The following FOXN3 variants were observed in gnomAD, a reference collection of about 807,000 sequenced individuals.
FOXN3 encodes forkhead box protein N3.
Under a neutral mutation model 38.4 loss-of-function variants are expected in FOXN3, and 7 were observed. The observed-to-expected ratio is 0.18, with a 90% CI of 0.10 to 0.34. The LOEUF (loss-of-function observed/expected upper bound fraction) is 0.34. FOXN3 is among the 10% of genes least tolerant of loss of function. The pLI, the probability that FOXN3 is intolerant of heterozygous loss-of-function variation, is 1.00. For missense variants in FOXN3, 456 were observed against 613.4 expected (o/e 0.74, Z 2.71); for synonymous variants, 230 against 242.2 (o/e 0.95, Z 0.47).
intron 3 of FOXN3, chr14:89,349,637 C>T (rs980955991): frequency 3.9e-5 from 6 of 152,642 alleles, no homozygotes; most frequent in Non-Finnish European, 7.3e-5. Flanking sequence ...TCTCAGAGAG[C>T]CCAGCTGTTC....
upstream of FOXN3, among the ~76,000 whole-genome samples, chr14:89,421,332 G>A (rs1891901685): frequency 6.6e-6 from 1 of 151,072 alleles, no homozygotes; most frequent in Non-Finnish European, 1.5e-5. Context: ...TATTTTTATA[G>A]AGACGGGGTT....
intron 5 of FOXN3, among the ~76,000 whole-genome samples, chr14:89,175,475 G>GT (rs1887496900): frequency 6.6e-6 from 1 of 152,216 alleles, no homozygotes. Flanking sequence ...GGGAAGGTCT[G>GT]TGAGAGACAG....
intron 5 of FOXN3, among the ~76,000 whole-genome samples, chr14:89,168,610 G>A (rs1445868827): frequency 6.6e-6 from 1 of 151,972 alleles, no homozygotes; most frequent in Admixed American, 6.6e-5. Context: ...TGGAAGAAAG[G>A]TTGGATGAGA....
chr14:89,189,384 G>C (rs908170348), intron 4 of FOXN3, among the ~76,000 whole-genome samples: 1 of 152,206 alleles, frequency 6.6e-6, no homozygotes, highest in Non-Finnish European at 1.5e-5. Context: ...TGAAGGCCTA[G>C]CCATAAGAAG....
intron 1 of FOXN3, among the ~76,000 whole-genome samples, chr14:89,610,449 C>T (rs1307193170): frequency 6.6e-6 from 1 of 152,164 alleles, no homozygotes; most frequent in South Asian, 2.1e-4. Flanking sequence ...GACGGGATAA[C>T]TCACGACTGG....
At chr14:89,610,251 C>T (rs1896361222) in intron 1 of FOXN3, among the ~76,000 whole-genome samples, 1 of 152,192 alleles carries the variant, frequency 6.6e-6, no homozygotes, top group Non-Finnish European at 1.5e-5. Context: ...CACCTGCTAC[C>T]AACGGCATCA....
chr14:89,171,355 C>T (rs1403527304), intron 5 of FOXN3, among the ~76,000 whole-genome samples: 2 of 152,136 alleles, frequency 1.3e-5, no homozygotes, highest in Non-Finnish European at 2.9e-5. Flanking sequence ...TTCCAACAAA[C>T]ATTAAGCAAT....
chr14:89,611,967 C>A (rs533215187), intron 1 of FOXN3, among the ~76,000 whole-genome samples: 101 of 152,202 alleles, frequency 6.6e-4, no homozygotes, highest in African/African-American at 2.4e-3. Flanking sequence ...TTTCTTCCCC[C>A]CGAAGGGAAC....
At chr14:89,260,473 C>T in intron 4 of FOXN3, among the ~76,000 whole-genome samples, 1 of 152,246 alleles carries the variant, frequency 6.6e-6, no homozygotes, top group Non-Finnish European at 1.5e-5. Context: ...ACTAACCCAG[C>T]TCATCTATAT....
At chr14:89,468,648 G>A (rs1237256986) in intron 1 of FOXN3, among the ~76,000 whole-genome samples, 1 of 152,120 alleles carries the variant, frequency 6.6e-6, no homozygotes, top group Non-Finnish European at 1.5e-5. Context: ...ACTCAAATAT[G>A]TATTGCTATT....
At chr14:89,257,503 C>A (rs191799275) in intron 4 of FOXN3, among the ~76,000 whole-genome samples, 211 of 152,308 alleles carry the variant, frequency 1.4e-3, no homozygotes, top group Middle Eastern at 6.8e-3. Context: ...CCTGTATAAT[C>A]CGATCCTGTG....
At chr14:89,246,880 C>T (rs945983021) in intron 4 of FOXN3, among the ~76,000 whole-genome samples, 9 of 152,040 alleles carry the variant, frequency 5.9e-5, no homozygotes, top group African/African-American at 1.9e-4. Flanking sequence ...CATGACAAGA[C>T]GGTTAGAAAA....
intron 2 of FOXN3, among the ~76,000 whole-genome samples, chr14:89,405,277 C>T (rs1233494474): frequency 6.6e-6 from 1 of 152,158 alleles, no homozygotes; most frequent in African/African-American, 2.4e-5. Context: ...GCTGAGATTA[C>T]AGGCGCCCGC....
intron 5 of FOXN3, among the ~76,000 whole-genome samples, chr14:89,173,440 C>G (rs1376226189): frequency 6.6e-6 from 1 of 152,168 alleles, no homozygotes; most frequent in Non-Finnish European, 1.5e-5. Flanking sequence ...CCCTATAAAT[C>G]AACAATTTCA....
At chr14:89,555,884 G>GTGTGTGTGT (rs59359746) in intron 1 of FOXN3, among the ~76,000 whole-genome samples, 1 of 90,186 alleles carries the variant, frequency 1.1e-5, no homozygotes, top group Non-Finnish European at 2.5e-5. Flanking sequence ...TGTATGTGGG[G>GTGTGTGTGT]GTGTATGTGG....
At chr14:89,189,628 A>G (rs1887894914) in intron 4 of FOXN3, among the ~76,000 whole-genome samples, 1 of 152,220 alleles carries the variant, frequency 6.6e-6, no homozygotes, top group Non-Finnish European at 1.5e-5. Context: ...GAAGGGACAG[A>G]TATCTTTGTT....
intron 1 of FOXN3, among the ~76,000 whole-genome samples, chr14:89,541,962 G>A (rs1308717848): frequency 6.6e-6 from 1 of 152,120 alleles, no homozygotes; most frequent in East Asian, 1.9e-4. Context: ...TTAAAGGAAA[G>A]GGGTCCCGAT....
intron 1 of FOXN3, among the ~76,000 whole-genome samples, chr14:89,415,604 CAAAAAAAAAAAAAAAA>C (rs34026101): frequency 1.8e-5 from 1 of 54,272 alleles, no homozygotes; most frequent in Non-Finnish European, 3.9e-5. Context: ...CAACAATAAC[CAAAAAAAAAAAAAAAA>C]AAAAAAAAAA....
chr14:89,394,621 AAAC>A (rs1210775621), intron 2 of FOXN3, among the ~76,000 whole-genome samples: 3 of 152,362 alleles, frequency 2.0e-5, no homozygotes, highest in African/African-American at 2.4e-5. Flanking sequence ...AGAGAAAGAA[AAAC>A]AACAACAATG....
Sources: gnomAD v4.1 joint callset for allele counts (sites outside exome capture counted in the v4.1 genomes callset) on GRCh38, gnomAD v4.1.1 for gene constraint, MANE v1.5 for transcripts, NCBI Gene and HGNC (gene_info 2026-07-23, HGNC 2026-07-21) for gene names.